The following ZNF782 variants were observed in gnomAD, a reference collection of about 807,000 sequenced individuals.
The protein encoded by ZNF782 is zinc finger protein 782.
In ZNF782, 12 loss-of-function variants were observed where a neutral mutation model predicts 13.0. That is an observed-to-expected ratio of 0.92 (90% confidence interval 0.59 to 1.50). The LOEUF (loss-of-function observed/expected upper bound fraction) is 1.50, where lower values mean the gene tolerates loss of function less well. ZNF782 is among the 40% of genes most tolerant of loss of function. The probability of loss-of-function intolerance (pLI) is 0.00; values close to 1 mark genes in which losing one functional copy is unlikely to be tolerated. For missense variants in ZNF782, 770 were observed against 822.9 expected (o/e 0.94, Z 0.79); for synonymous variants, 284 against 283.0 (o/e 1.00, Z -0.04).
the ZNF782 span, among the ~76,000 whole-genome samples, chr9:96,922,020 G>A: frequency 4.0e-5 from 6 of 150,938 alleles, no homozygotes; most frequent in South Asian, 4.2e-4. Flanking sequence ...CTGCTTCCCA[G>A]GTGATGCTGA....
At chr9:96,900,689 T>C in the ZNF782 span, among the ~76,000 whole-genome samples, 4 of 152,282 alleles carry the variant, frequency 2.6e-5, no homozygotes, top group Admixed American at 6.5e-5. Context: ...TGCAGTGAGC[T>C]GAGATCGCAC....
intron 4 of ZNF782, among the ~76,000 whole-genome samples, chr9:96,831,968 T>A (rs994409577): frequency 6.6e-6 from 1 of 152,210 alleles, no homozygotes; most frequent in Non-Finnish European, 1.5e-5. Context: ...AATCTGTCTT[T>A]TAATTAGTAT....
intron 4 of ZNF782, among the ~76,000 whole-genome samples, chr9:96,829,087 C>CAA (rs145314809): frequency 1.7e-4 from 10 of 60,232 alleles, no homozygotes; most frequent in East Asian, 9.2e-4. Flanking sequence ...TGTTTCAGAC[C>CAA]AAAAAAAAAA....
At chr9:96,901,869 CA>C in the ZNF782 span, among the ~76,000 whole-genome samples, 8,003 of 59,632 alleles carry the variant, frequency 0.13, 561 homozygotes, top group African/African-American at 0.32. Flanking sequence ...AACTCTGTCT[CA>C]AAAAAAAAAA....
intron 4 of ZNF782, among the ~76,000 whole-genome samples, chr9:96,839,030 T>C (rs1344927487): frequency 6.6e-6 from 1 of 152,112 alleles, no homozygotes; most frequent in Non-Finnish European, 1.5e-5. Flanking sequence ...GGCAACTTTT[T>C]ACTGTCAGTT....
chr9:96,833,173 G>C (rs894282675), intron 4 of ZNF782, among the ~76,000 whole-genome samples: 1 of 152,098 alleles, frequency 6.6e-6, no homozygotes, highest in Non-Finnish European at 1.5e-5. Context: ...TGTATACCTA[G>C]CAACCAATTT....
chr9:96,871,675 A>G (rs1406181940), intron 1 of ZNF782, among the ~76,000 whole-genome samples: 1 of 152,128 alleles, frequency 6.6e-6, no homozygotes, highest in African/African-American at 2.4e-5. Flanking sequence ...TAGCCATTGC[A>G]CTCCAGCCTT....
At chr9:96,851,268 C>A (rs985706052) in intron 3 of ZNF782, among the ~76,000 whole-genome samples, 8 of 152,020 alleles carry the variant, frequency 5.3e-5, no homozygotes, top group Admixed American at 2.0e-4. Flanking sequence ...AAAAGTACAA[C>A]TCCAGTATAA....
In ZNF782 at chr9:96,875,305, G is replaced by A. The variant is rs142873542; in HGVS notation, c.-457+163C>T. Among the ~76,000 whole-genome samples, 1,035 of 152,298 alleles carry A rather than the reference G, an allele frequency of 6.8e-3. 11 individuals carry two copies. The highest frequency in any genetic ancestry group is 0.023 in the African/African-American group (969 of 41,542). On this transcript the variant is annotated intron_variant, in intron 1 of 5. Transcript: ENST00000498811. The stretch of plus-strand genomic sequence containing the variant: ...AAAGTGTCTTCTAAATACAATAGCA[G>A]CTGTCACTTACTCAGGGTTTAGTAA...
the ZNF782 span, among the ~76,000 whole-genome samples, chr9:96,922,498 C>G: frequency 6.6e-6 from 1 of 152,298 alleles, no homozygotes; most frequent in East Asian, 1.9e-4. Flanking sequence ...GAAGGCCAGG[C>G]ACGGTGGCTC....
At chr9:96,831,480 C>A (rs961638999) in intron 4 of ZNF782, among the ~76,000 whole-genome samples, 2 of 151,914 alleles carry the variant, frequency 1.3e-5, no homozygotes, top group African/African-American at 4.8e-5. Context: ...GAGGCCGAGA[C>A]GGGCGGATCA....
intron 1 of ZNF782, among the ~76,000 whole-genome samples, chr9:96,874,398 T>C (rs996601894): frequency 6.6e-6 from 1 of 152,266 alleles, no homozygotes; most frequent in Non-Finnish European, 1.5e-5. Flanking sequence ...GTGAGAGCAG[T>C]GCAGTGTCTT....
the ZNF782 span, among the ~76,000 whole-genome samples, chr9:96,898,738 G>A: frequency 6.9e-6 from 1 of 145,562 alleles, no homozygotes; most frequent in Non-Finnish European, 1.5e-5. Flanking sequence ...GTAGAGATGG[G>A]GTTTTACCAT....
chr9:96,899,050 C>T, the ZNF782 span, among the ~76,000 whole-genome samples: 2 of 149,288 alleles, frequency 1.3e-5, 1 homozygote, highest in African/African-American at 5.0e-5. Context: ...CACCATTCTA[C>T]TTTCTGTCTG....
the ZNF782 span, among the ~76,000 whole-genome samples, chr9:96,918,408 C>CA: frequency 8.4e-3 from 552 of 65,964 alleles, 3 homozygotes; most frequent in African/African-American, 0.021. Context: ...GGCTCCATCT[C>CA]AAAAAAAAAA....
At chr9:96,933,322 G>A in the ZNF782 span, among the ~76,000 whole-genome samples, 8 of 151,158 alleles carry the variant, frequency 5.3e-5, no homozygotes, top group Non-Finnish European at 1.2e-4. Flanking sequence ...GAAGACCCAG[G>A]TCAGAGAGGG....
upstream of ZNF782, among the ~76,000 whole-genome samples, chr9:96,855,099 C>G (rs1186891896): frequency 6.6e-6 from 1 of 152,188 alleles, no homozygotes; most frequent in Non-Finnish European, 1.5e-5. Context: ...TAAGGCGGGT[C>G]GAGCCCGGTG....
intron 3 of ZNF782, among the ~76,000 whole-genome samples, chr9:96,859,606 A>G (rs1851681501): frequency 6.6e-6 from 1 of 152,134 alleles, no homozygotes; most frequent in Non-Finnish European, 1.5e-5. Context: ...GCCTTGAATA[A>G]TCAGCAGTGG....
At chr9:96,820,799 C>T (rs944681879) in intron 5 of ZNF782, among the ~76,000 whole-genome samples, 3 of 152,182 alleles carry the variant, frequency 2.0e-5, no homozygotes, top group Non-Finnish European at 4.4e-5. Context: ...ATCCACCTGT[C>T]TTGGCCTCCC....
Sources: allele counts gnomAD v4.1 joint callset (sites outside exome capture counted in the v4.1 genomes callset), GRCh38; gene constraint gnomAD v4.1.1; transcripts MANE v1.5; gene names NCBI Gene and HGNC (gene_info 2026-07-23, HGNC 2026-07-21).